The following IPO7 variants were observed in gnomAD, a reference collection of about 807,000 sequenced individuals.
The protein encoded by IPO7 is importin-7.
A neutral mutation model predicts 136.4 loss-of-function variants in IPO7; 13 were observed. The observed-to-expected ratio is 0.10, with a 90% CI of 0.06 to 0.15. IPO7 has a LOEUF of 0.15. Ranked by LOEUF, IPO7 falls within the 10% of genes least tolerant of loss-of-function variation. The pLI is 1.00. For missense variants in IPO7, 857 were observed against 1,240.6 expected (o/e 0.69, Z 4.65); for synonymous variants, 403 against 404.4 (o/e 1.00, Z 0.04).
At chr11:9,398,627 A>G (rs185936108) in intron 1 of IPO7, among the ~76,000 whole-genome samples, 59 of 152,350 alleles carry the variant, frequency 3.9e-4, no homozygotes, top group Non-Finnish European at 6.0e-4. Flanking sequence ...TGTATAATAC[A>G]TATCTATGGG....
At chr11:9,423,574 T>C (rs1855163900) in intron 9 of IPO7, among the ~76,000 whole-genome samples, 1 of 152,220 alleles carries the variant, frequency 6.6e-6, no homozygotes, top group Non-Finnish European at 1.5e-5. Context: ...TTTGTACACA[T>C]ATATCTTAAA....
chr11:9,422,274 T>C (rs571076838), intron 8 of IPO7, among the ~76,000 whole-genome samples: 2 of 152,030 alleles, frequency 1.3e-5, no homozygotes, highest in South Asian at 2.1e-4. Flanking sequence ...AATAAATAAA[T>C]AAACAAATAA....
chr11:9,446,983 T>C lies in IPO7; in HGVS notation c.*1789T>C, dbSNP rs1855538161. On this transcript the variant is annotated 3_prime_UTR_variant, in exon 25 of 25. Transcript: ENST00000379719. ...CCCTGAAAGTTGGACACCAACTGTA[T>C]ACCCTAGGTTGCTTAAAGGGATTTC... 2.0e-5 allele frequency: 3 copies of C among 152,200 alleles called. No individual in the cohort carries two copies. Among genetic ancestry groups the C allele is most frequent in the African/African-American group, 7.2e-5 (3 of 41,450 alleles). 9.4% of individuals were successfully genotyped at this position (152,200 alleles called of 1,614,324 possible). A position where few individuals can be genotyped will look rare whatever the true frequency, so the allele number is the denominator to read the frequency against.
At chr11:9,404,326 G>A (rs930410075) in intron 2 of IPO7, among the ~76,000 whole-genome samples, 1 of 151,562 alleles carries the variant, frequency 6.6e-6, no homozygotes, top group African/African-American at 2.4e-5. Flanking sequence ...TTAGCCGGGC[G>A]TGGTGGCGGG....
intron 6 of IPO7, among the ~76,000 whole-genome samples, chr11:9,419,200 G>A (rs1185067853): frequency 6.6e-6 from 1 of 152,126 alleles, no homozygotes; most frequent in African/African-American, 2.4e-5. Context: ...CACTAGCGAT[G>A]TATGAGAGTG....
intron 20 of IPO7, among the ~76,000 whole-genome samples, chr11:9,436,853 TATATATATATATATA>T (rs1203095028): frequency 7.7e-5 from 1 of 12,976 alleles, no homozygotes; most frequent in Non-Finnish European, 2.0e-4. Flanking sequence ...TATATATATA[TATATATATATATATA>T]TTTTTTTTTT....
At position 9,445,629 on chromosome 11, in the gene IPO7, A is replaced by G. The variant is rs1590458468; in HGVS notation, c.*435A>G. ...TTTTACACCTATGAGTATTTGTCCA[A>G]TTTCTGTCTCTTCCTCACCATTGGG... On this transcript the variant is annotated 3_prime_UTR_variant, in exon 25 of 25. Transcript: ENST00000379719. 1.9e-5 allele frequency: 3 copies of G among 155,680 alleles called. No homozygotes were observed. In the South Asian group the frequency reaches 5.8e-4, roughly 30 times the overall value. 9.6% of individuals were successfully genotyped at this position (155,680 alleles called of 1,614,324 possible).
rs1191458647 is a variant in IPO7 at position 9,410,008 on chromosome 11, G to C, written c.401G>C (p.Gly134Ala). ...SRWTAIVDKI[G>A]FYLQSDNSAC... The stretch of plus-strand genomic sequence containing the variant: ...TGGACTGCCATTGTGGACAAAATTG[G>C]CTTTTATCTTCAGTCCGATAACAGT... The change falls in exon 4 of 25, where the codon GGC becomes GCC. Residue 134 changes from glycine (G) to alanine (A), a missense_variant. By Grantham distance (60) the Gly-to-Ala change is moderately conservative (BLOSUM62 0). This residue lies in a region of IPO7 where 287 missense variants were observed against 307.5 expected (regional missense o/e 0.93). Coordinates refer to ENST00000379719, the MANE Select transcript of IPO7 (RefSeq NM_006391.3). The C allele has an allele frequency of 6.2e-7, 1 of 1,606,998 alleles. No individual in the cohort carries two copies. The highest frequency in any genetic ancestry group is 1.7e-4 in the Middle Eastern group (1 of 6,048).
In IPO7 at chr11:9,436,330, C is replaced by A. The variant is rs1855367967; in HGVS notation, c.2232C>A (p.Val744=). 6.2e-7 allele frequency: 1 copy of A among 1,613,682 alleles called. No homozygotes were observed. Among genetic ancestry groups the A allele is most frequent in the African/African-American group, 1.3e-5 (1 of 74,908 alleles). Residue 744 remains valine (V), a synonymous_variant, in exon 20 of 25, where the codon GTC becomes GTA. Transcript: ENST00000379719. ...AECHAAKLLE[V]IILQCKGRGI... Reference sequence around the variant, plus strand: ...GTCATGCAGCAAAATTGTTAGAGGTCATCATTCTGCAGTGCAAAGGGCGTG... The same window carrying A: ...GTCATGCAGCAAAATTGTTAGAGGTAATCATTCTGCAGTGCAAAGGGCGTG...
chr11:9,422,652 A>G (rs7101776), intron 8 of IPO7, among the ~76,000 whole-genome samples: 5,890 of 152,122 alleles, frequency 0.039, 355 homozygotes, highest in African/African-American at 0.13. Flanking sequence ...TGGTTTTTCA[A>G]TAGGTAGCAA....
chr11:9,444,456 C>T (rs1332380560), intron 24 of IPO7, among the ~76,000 whole-genome samples: 3 of 151,676 alleles, frequency 2.0e-5, no homozygotes, highest in Non-Finnish European at 1.5e-5. Context: ...CTCCATCTCC[C>T]GATTTCAAGT....
At chr11:9,436,076 C>T (rs1266638892) in intron 19 of IPO7, among the ~76,000 whole-genome samples, 195 bp from the exon 20 acceptor site, 1 of 152,192 alleles carries the variant, frequency 6.6e-6, no homozygotes, top group Non-Finnish European at 1.5e-5. Context: ...AGGAGGCAGA[C>T]AGCTCCAGAT....
At chr11:9,396,933 C>T (rs1321170367) in intron 1 of IPO7, among the ~76,000 whole-genome samples, 1 of 151,774 alleles carries the variant, frequency 6.6e-6, no homozygotes, top group Non-Finnish European at 1.5e-5. Context: ...TCTGGGTAAC[C>T]AGCACCCAGA....
intron 1 of IPO7, chr11:9,392,251 C>T (rs1236103532): frequency 2.9e-5 from 9 of 315,598 alleles, no homozygotes; most frequent in Non-Finnish European, 4.3e-5. Flanking sequence ...AATCTCGGCT[C>T]GCCACAACCT....
rs1361014755 is a variant in IPO7 at position 9,414,417 on chromosome 11, A to G, written c.636+6A>G. 5 of 1,570,566 alleles carry G rather than the reference A, an allele frequency of 3.2e-6. No individual in the cohort carries two copies. The Admixed American group carries it at 9.5e-5, about 30-fold the overall frequency. On this transcript the variant is annotated splice_donor_region_variant and intron_variant, in intron 5 of 24. Coordinates refer to ENST00000379719, the MANE Select transcript of IPO7 (RefSeq NM_006391.3). ...TCTTCTATGCTCTTGTTCAGGTAAT[A>G]TCTGTGAAGCAGTTTTTATGCATAA...
intron 1 of IPO7, among the ~76,000 whole-genome samples, chr11:9,397,341 A>AAAAAAAAAAAAAAATATAT: frequency 3.2e-3 from 34 of 10,750 alleles, no homozygotes; most frequent in Non-Finnish European, 5.1e-3. Context: ...TTTAAAAAAA[A>AAAAAAAAAAAAAAATATAT]ATATATATAT....
intron 22 of IPO7, among the ~76,000 whole-genome samples, chr11:9,440,138 A>T (rs1855442364): frequency 6.6e-6 from 1 of 152,206 alleles, no homozygotes; most frequent in Non-Finnish European, 1.5e-5. Context: ...GTCTTTTATC[A>T]TTTACTAACT....
chr11:9,397,341 A>AAAAAAAATAT, intron 1 of IPO7, among the ~76,000 whole-genome samples: 15 of 10,764 alleles, frequency 1.4e-3, no homozygotes, highest in South Asian at 6.6e-3. Flanking sequence ...TTTAAAAAAA[A>AAAAAAAATAT]ATATATATAT....
chr11:9,392,946 CAA>C (rs34911529), intron 1 of IPO7, among the ~76,000 whole-genome samples: 14 of 100,226 alleles, frequency 1.4e-4, no homozygotes, highest in Admixed American at 3.3e-4. Flanking sequence ...GACTCTGTCT[CAA>C]AAAAAAAAAA....
Sources: allele counts gnomAD v4.1 joint callset (sites outside exome capture counted in the v4.1 genomes callset), GRCh38; gene constraint gnomAD v4.1.1; regional missense constraint gnomAD v4.1.1; transcripts MANE v1.5; gene names NCBI Gene and HGNC (gene_info 2026-07-23, HGNC 2026-07-21).